CAMTA1: variants seen among roughly 807,000 people sequenced by gnomAD.
CAMTA1 encodes calmodulin binding transcription activator 1, also known as calmodulin-binding transcription activator 1.
Under a neutral mutation model 170.9 loss-of-function variants are expected in CAMTA1, and 27 were observed. That is an observed-to-expected ratio of 0.16 (90% CI 0.12 to 0.22). CAMTA1 has a LOEUF of 0.22. CAMTA1 is among the 10% of genes least tolerant of loss of function. The probability of loss-of-function intolerance (pLI) is 1.00; values close to 1 mark genes in which losing one functional copy is unlikely to be tolerated. For synonymous variants in CAMTA1, 833 were observed against 891.5 expected (o/e 0.93, Z 1.17); for missense variants, 1,619 against 2,217.2 (o/e 0.73, Z 5.42).
chr1:7,609,916 C>T lies in CAMTA1; in HGVS notation c.511-30484C>T, dbSNP rs1557998875. Among the ~76,000 whole-genome samples, 1 of 152,318 alleles carries T rather than the reference C, an allele frequency of 6.6e-6. No homozygotes were observed. Among genetic ancestry groups the T allele is most frequent in the East Asian group, 1.9e-4 (1 of 5,178 alleles). Reference sequence around the variant, plus strand: ...TACTTCACCTCTCCTGGTCTTCATTCTCTTATTTGTGAAATGAGAGGGTAA... The same window carrying T: ...TACTTCACCTCTCCTGGTCTTCATTTTCTTATTTGTGAAATGAGAGGGTAA... On this transcript the variant is annotated intron_variant, in intron 6 of 22. Coordinates refer to ENST00000303635, the MANE Select transcript of CAMTA1 (RefSeq NM_015215.4). This position sits in a 1 kb window ranked among gnomAD's most constrained non-coding sequence, Gnocchi z 4.4.
At chr1:7,597,196 T>A (rs1207688037) in intron 6 of CAMTA1, among the ~76,000 whole-genome samples, 1 of 152,210 alleles carries the variant, frequency 6.6e-6, no homozygotes, top group Non-Finnish European at 1.5e-5. Context: ...CCCTACCAGC[T>A]ACTAGCTGCA....
chr1:7,704,537 G>T (rs1484142296), intron 11 of CAMTA1, among the ~76,000 whole-genome samples: 2 of 148,178 alleles, frequency 1.3e-5, no homozygotes, highest in African/African-American at 4.9e-5. Context: ...CGTCCAGCGC[G>T]GCTCGGGCGC....
chr1:7,133,887 T>G (rs1163670014), intron 4 of CAMTA1, among the ~76,000 whole-genome samples: 1 of 152,240 alleles, frequency 6.6e-6, no homozygotes, highest in African/African-American at 2.4e-5. Flanking sequence ...TACTATGAAA[T>G]AAGTTTTTTA....
intron 6 of CAMTA1, among the ~76,000 whole-genome samples, chr1:7,589,084 G>A (rs1348838178): frequency 6.6e-6 from 1 of 152,198 alleles, no homozygotes. Context: ...GGCTTAGCTG[G>A]GAAGGGAATT....
chr1:7,621,959 C>T (rs910755341), intron 6 of CAMTA1, among the ~76,000 whole-genome samples: 2 of 152,212 alleles, frequency 1.3e-5, no homozygotes, highest in Non-Finnish European at 2.9e-5. Context: ...TGGGTGACCT[C>T]GTGTGACCTT....
intron 5 of CAMTA1, among the ~76,000 whole-genome samples, chr1:7,290,527 G>A (rs1015424265): frequency 1.3e-5 from 2 of 152,054 alleles, no homozygotes; most frequent in African/African-American, 2.4e-5. Flanking sequence ...CATACCTCTG[G>A]GTCTCTGTTG....
intron 5 of CAMTA1, among the ~76,000 whole-genome samples, chr1:7,271,125 A>C (rs1316085568): frequency 2.6e-5 from 4 of 152,168 alleles, no homozygotes; most frequent in Non-Finnish European, 4.4e-5. Context: ...CTAAGGAAGT[A>C]ATTATGGTTA....
At chr1:7,601,956 G>C (rs2095447310) in intron 6 of CAMTA1, among the ~76,000 whole-genome samples, 1 of 141,562 alleles carries the variant, frequency 7.1e-6, no homozygotes, top group Non-Finnish European at 1.6e-5. Flanking sequence ...GGAGACCGTG[G>C]GGAGAGGGAG....
chr1:7,380,297 G>A (rs1044644949), intron 5 of CAMTA1, among the ~76,000 whole-genome samples: 2 of 152,170 alleles, frequency 1.3e-5, no homozygotes, highest in East Asian at 3.9e-4. Flanking sequence ...AGTTAAGTCC[G>A]GGTCCGGTGG....
chr1:7,666,892 T>TTTG lies in CAMTA1; in HGVS notation c.2652+1696_2652+1698dup, dbSNP rs372224739. ...CTGTTGTTGTTTTGTTTTGTTTTGT[T>TTTG]TTGTTTTGTTTTTGAGAAGGAATTT... On this transcript the variant is annotated intron_variant, in intron 9 of 22. Coordinates refer to ENST00000303635, the MANE Select transcript of CAMTA1 (RefSeq NM_015215.4). 4.2e-4 allele frequency among the ~76,000 whole-genome samples: 64 copies of TTTG among 152,146 alleles called. 1 individual carries two copies. Among genetic ancestry groups the TTTG allele is most frequent in the African/African-American group, 1.4e-3 (60 of 41,502 alleles).
chr1:7,657,168 C>T (rs1449126288), intron 7 of CAMTA1, among the ~76,000 whole-genome samples: 1 of 152,226 alleles, frequency 6.6e-6, no homozygotes, highest in Non-Finnish European at 1.5e-5. Context: ...GAGCCCCATG[C>T]TGGGGTCTGG....
rs1253111948 is a variant in CAMTA1 at position 7,633,326 on chromosome 1, G to A, written c.511-7074G>A. ...TCAGCAGCTCCAAATGCATTTCCAGGAGGCACAGCTGGGTTAAGGGACAAG... is the reference window on the plus strand; with the variant it reads ...TCAGCAGCTCCAAATGCATTTCCAGAAGGCACAGCTGGGTTAAGGGACAAG... On this transcript the variant is annotated intron_variant, in intron 6 of 22. Transcript: ENST00000303635. The surrounding 1 kb of genome is among the most constrained non-coding windows in gnomAD (Gnocchi z 4.1). Among the ~76,000 whole-genome samples the A allele has an allele frequency of 6.6e-6, 1 of 152,196 alleles. No homozygotes were observed. Among genetic ancestry groups the A allele is most frequent in the African/African-American group, 2.4e-5 (1 of 41,448 alleles).
At chr1:7,460,695 C>G (rs1257639384) in intron 5 of CAMTA1, among the ~76,000 whole-genome samples, 1 of 151,862 alleles carries the variant, frequency 6.6e-6, no homozygotes, top group South Asian at 2.1e-4. Context: ...GGTGGATTTT[C>G]CCTTCCCTTC....
intron 6 of CAMTA1, among the ~76,000 whole-genome samples, chr1:7,542,009 G>A (rs904159138): frequency 3.7e-4 from 57 of 152,106 alleles, no homozygotes; most frequent in African/African-American, 1.3e-3. Context: ...ATAAATACTG[G>A]TTGCATGAAT....
At chr1:7,752,002 G>A (rs1027793385) in intron 20 of CAMTA1, among the ~76,000 whole-genome samples, 1 of 152,116 alleles carries the variant, frequency 6.6e-6, no homozygotes, top group Non-Finnish European at 1.5e-5. Flanking sequence ...GGGTTAAGCT[G>A]TTCCATTTTA....
chr1:7,473,668 C>A (rs2093371593), intron 6 of CAMTA1, among the ~76,000 whole-genome samples: 2 of 152,234 alleles, frequency 1.3e-5, no homozygotes, highest in African/African-American at 4.8e-5. Flanking sequence ...TTCAGAGGGA[C>A]AGGCCCTGCA....
intron 11 of CAMTA1, among the ~76,000 whole-genome samples, chr1:7,704,534 C>G (rs1407423498): frequency 6.8e-6 from 1 of 148,072 alleles, no homozygotes; most frequent in Non-Finnish European, 1.5e-5. Context: ...CGCCGTCCAG[C>G]GCGGCTCGGG....
In CAMTA1 at chr1:7,204,463, G is replaced by A. The variant is rs1008423798; in HGVS notation, c.303-45028G>A. Among the ~76,000 whole-genome samples, 4 of 152,184 alleles carry A rather than the reference G, an allele frequency of 2.6e-5. No individual in the cohort carries two copies. In the South Asian group the frequency reaches 6.2e-4, roughly 24 times the overall value. ...TTGTTTAATTTATACATATTTGTGA[G>A]TTTCTCCCATTGTTTTTCTGCTACT... On this transcript the variant is annotated intron_variant, in intron 4 of 22. Transcript: ENST00000303635.
intron 3 of CAMTA1, among the ~76,000 whole-genome samples, chr1:7,045,126 TA>T (rs1370629410): frequency 6.6e-6 from 1 of 152,184 alleles, no homozygotes; most frequent in Non-Finnish European, 1.5e-5. Flanking sequence ...GCTTCTCTTT[TA>T]AAATCCTCCT....
Sources: allele counts gnomAD v4.1 joint callset (sites outside exome capture counted in the v4.1 genomes callset), GRCh38; gene constraint gnomAD v4.1.1; non-coding constraint Gnocchi (gnomAD v3.1); transcripts MANE v1.5; gene names NCBI Gene and HGNC (gene_info 2026-07-23, HGNC 2026-07-21).